Variants in CFAP97D2 observed in about 807,000 individuals in gnomAD.
The protein encoded by CFAP97D2 is uncharacterized protein CFAP97D2.
At chr13:114,209,620 C>T (rs1237763755) in intron 3 of CFAP97D2, among the ~76,000 whole-genome samples, 2 of 151,966 alleles carry the variant, frequency 1.3e-5, no homozygotes, top group South Asian at 2.1e-4. Flanking sequence ...CAGTGTGGCG[C>T]TCATTCTGTG....
chr13:114,195,235 A>G (rs980085589), intron 1 of CFAP97D2, among the ~76,000 whole-genome samples: 2 of 152,240 alleles, frequency 1.3e-5, no homozygotes, highest in African/African-American at 4.8e-5. Context: ...AGGAGCCTGT[A>G]AAAAGTGACC....
Position 114,211,906 on chromosome 13 carries a change from G to A in CFAP97D2, c.291-6G>A, listed in dbSNP as rs566523757. ...AATTTCAAAATGTGTGTGCTCTTTCGTGGAGTCTGCACAGGGGGAAGAGAG... is the reference window on the plus strand; with the variant it reads ...AATTTCAAAATGTGTGTGCTCTTTCATGGAGTCTGCACAGGGGGAAGAGAG... On this transcript the variant is annotated splice_polypyrimidine_tract_variant and splice_region_variant and intron_variant, in intron 3 of 4. Transcript: ENST00000646158. The surrounding 1 kb of genome is among the most constrained non-coding windows in gnomAD (Gnocchi z 4.2). 80 of 398,722 alleles carry A rather than the reference G, an allele frequency of 2.0e-4. No individual in the cohort carries two copies. The South Asian group carries it at 5.3e-3, about 27-fold the overall frequency. The allele number at this position is 398,722 out of a possible 1,614,324, so 24.7% of individuals were successfully genotyped here.
At chr13:114,183,103 T>C (rs988475011) in intron 1 of CFAP97D2, among the ~76,000 whole-genome samples, 4 of 152,160 alleles carry the variant, frequency 2.6e-5, no homozygotes, top group African/African-American at 9.7e-5. Flanking sequence ...TTAGGACGTA[T>C]CAGTTAAAAC....
intron 1 of CFAP97D2, among the ~76,000 whole-genome samples, chr13:114,188,539 A>G (rs757209576): frequency 6.6e-6 from 1 of 152,114 alleles, no homozygotes; most frequent in Non-Finnish European, 1.5e-5. Flanking sequence ...GCCCTTTACG[A>G]GGCCGAGGCG....
chr13:114,200,242 G>A (rs1330732788), intron 2 of CFAP97D2, 83 bp from the exon 3 acceptor site: 10 of 397,218 alleles, frequency 2.5e-5, no homozygotes, highest in Non-Finnish European at 4.0e-5. Context: ...AAAACTCCCA[G>A]GGCACTCAAG....
intron 1 of CFAP97D2, among the ~76,000 whole-genome samples, chr13:114,182,961 C>T (rs2080842081): frequency 6.6e-6 from 1 of 152,174 alleles, no homozygotes; most frequent in African/African-American, 2.4e-5. Context: ...TCAACTCCAG[C>T]CTTGCACTCA....
chr13:114,193,439 G>A (rs1461520113), intron 1 of CFAP97D2, among the ~76,000 whole-genome samples: 1 of 152,118 alleles, frequency 6.6e-6, no homozygotes, highest in East Asian at 1.9e-4. Context: ...CCAAAATCAA[G>A]GCACTGGCAG....
rs960590327 is a variant in CFAP97D2, at chr13:114,207,090, A to G, written c.291-4822A>G. 6.6e-6 allele frequency among the ~76,000 whole-genome samples: 1 copy of G among 152,216 alleles called. No homozygotes were observed. The highest frequency in any genetic ancestry group is 1.5e-5 in the Non-Finnish European group (1 of 68,038). ...ACAGGCTGCCAAGCATCACCACCGC[A>G]TGGCAGCAGTGTCCCCGCATCCACC... is the stretch of plus-strand genomic sequence containing the variant. On this transcript the variant is annotated intron_variant, in intron 3 of 4. Coordinates refer to ENST00000646158, the Ensembl canonical transcript of CFAP97D2. The surrounding 1 kb of genome is among the most constrained non-coding windows in gnomAD (Gnocchi z 4.9).
Position 114,185,137 on chromosome 13 carries a change from G to A in CFAP97D2, c.90+5717G>A, listed in dbSNP as rs1354998884. Reference sequence around the variant, plus strand: ...GCTGCCCCAACCCTTGTGTGGCCAGGCAGGACCTGCTCCCAGGCCCAGGGC... The same window carrying A: ...GCTGCCCCAACCCTTGTGTGGCCAGACAGGACCTGCTCCCAGGCCCAGGGC... On this transcript the variant is annotated intron_variant, in intron 1 of 4. Transcript: ENST00000646158. The surrounding 1 kb of genome is among the most constrained non-coding windows in gnomAD (Gnocchi z 5.2). 6.6e-6 allele frequency among the ~76,000 whole-genome samples: 1 copy of A among 152,184 alleles called. No individual in the cohort carries two copies. Among genetic ancestry groups the A allele is most frequent in the African/African-American group, 2.4e-5 (1 of 41,444 alleles).
At chr13:114,204,665 A>G (rs1413067505) in intron 3 of CFAP97D2, among the ~76,000 whole-genome samples, 1 of 152,206 alleles carries the variant, frequency 6.6e-6, no homozygotes, top group Non-Finnish European at 1.5e-5. Flanking sequence ...CTCACACCAT[A>G]TAGAAGAATT....
Position 114,211,957 on chromosome 13 carries a change from G to A in CFAP97D2, c.336G>A (p.Lys112=), listed in dbSNP as rs1364388691. 5.0e-6 allele frequency: 2 copies of A among 398,642 alleles called. No individual in the cohort carries two copies. The highest frequency in any genetic ancestry group is 3.6e-5 in the East Asian group (1 of 28,082). The allele number at this position is 398,642 out of a possible 1,614,324, so 24.7% of individuals were successfully genotyped here. A position where few individuals can be genotyped will look rare whatever the true frequency, so the allele number is the denominator to read the frequency against. ...AACAGGAACTTCGCAGAGTGCGGAA[G>A]AAAACACGGCCATTCTGGAAGGAAT... The change falls in exon 4 of 5, where the codon AAG becomes AAA. Residue 112 remains lysine, a synonymous_variant. Coordinates refer to ENST00000646158, the Ensembl canonical transcript of CFAP97D2. The surrounding 1 kb of genome is among the most constrained non-coding windows in gnomAD (Gnocchi z 4.2).
rs561628125 is a variant in CFAP97D2, at chr13:114,200,346, G to A, written c.193G>A (p.Val65Ile). 9 of 398,652 alleles carry A rather than the reference G, an allele frequency of 2.3e-5. No individual in the cohort carries two copies. In the South Asian group the frequency reaches 3.8e-4, roughly 17 times the overall value. 24.7% of individuals were successfully genotyped at this position (398,652 alleles called of 1,614,324 possible). Reference sequence around the variant, plus strand: ...CCAGCTGGAGGAGGAACGGCTCTCCGTCATCGAGAGGGACAACCGCCTGCT... The same window carrying A: ...CCAGCTGGAGGAGGAACGGCTCTCCATCATCGAGAGGGACAACCGCCTGCT... Residue 65 changes from valine (V) to isoleucine (I), a missense_variant, in exon 3 of 5, where the codon GTC becomes ATC. Transcript: ENST00000646158.
rs1304107623 is a variant in CFAP97D2 at position 114,207,147 on chromosome 13, C to T, written c.291-4765C>T. ...GGGCAAGGCACAAGCTCAGCCTGAG[C>T]CCCATCTGCTCCCCTGCCGCTGCAA... On this transcript the variant is annotated intron_variant, in intron 3 of 4. Transcript: ENST00000646158. This position sits in a 1 kb window ranked among gnomAD's most constrained non-coding sequence, Gnocchi z 4.9. Among the ~76,000 whole-genome samples the T allele has an allele frequency of 3.3e-5, 5 of 152,220 alleles. No individual in the cohort carries two copies. The highest frequency in any genetic ancestry group is 7.3e-5 in the Non-Finnish European group (5 of 68,040).
At chr13:114,205,412 T>C (rs2080935255) in intron 3 of CFAP97D2, among the ~76,000 whole-genome samples, 1 of 152,282 alleles carries the variant, frequency 6.6e-6, no homozygotes, top group African/African-American at 2.4e-5. Flanking sequence ...TCTTATATTC[T>C]GCAACCTTGT....
Position 114,179,714 on chromosome 13 carries a change from A to G in CFAP97D2, c.90+294A>G, listed in dbSNP as rs908976164. ...ACAGCATATATTTAAGAAGTACTTA[A>G]TTTTTCCTAAGTGACTTGAAAGCAT... On this transcript the variant is annotated intron_variant, in intron 1 of 4. Coordinates refer to ENST00000646158, the Ensembl canonical transcript of CFAP97D2. The surrounding 1 kb of genome is among the most constrained non-coding windows in gnomAD (Gnocchi z 4.8). Among the ~76,000 whole-genome samples the G allele has an allele frequency of 6.6e-6, 1 of 151,992 alleles. No individual in the cohort carries two copies. Among genetic ancestry groups the G allele is most frequent in the African/African-American group, 2.4e-5 (1 of 41,368 alleles).
rs904058880 is a variant in CFAP97D2, at chr13:114,222,406, A to G, written c.481-92A>G. 1 of 398,164 alleles carries G rather than the reference A, an allele frequency of 2.5e-6. No homozygotes were observed. The highest frequency in any genetic ancestry group is 4.4e-6 in the Non-Finnish European group (1 of 225,970). 24.7% of individuals were successfully genotyped at this position (398,164 alleles called of 1,614,324 possible). On this transcript the variant is annotated intron_variant, in intron 4 of 4. Coordinates refer to ENST00000646158, the Ensembl canonical transcript of CFAP97D2. This position sits in a 1 kb window ranked among gnomAD's most constrained non-coding sequence, Gnocchi z 4.4. ...TTTAATTCTAAGTAAAGACTTGTCA[A>G]TGAGTTGAAATATTCCATTTCCCAA...
At chr13:114,205,642 C>A (rs2080936500) in intron 3 of CFAP97D2, among the ~76,000 whole-genome samples, 1 of 152,196 alleles carries the variant, frequency 6.6e-6, no homozygotes, top group East Asian at 1.9e-4. Flanking sequence ...GGAGTGGAGA[C>A]AATGGCAATC....
At chr13:114,183,175 T>TTTA (rs1416027422) in intron 1 of CFAP97D2, among the ~76,000 whole-genome samples, 2 of 152,132 alleles carry the variant, frequency 1.3e-5, no homozygotes, top group East Asian at 3.8e-4. Flanking sequence ...TATTTATTTA[T>TTTA]TTATTTATTT....
At chr13:114,202,444 T>C (rs2080922452) in intron 3 of CFAP97D2, among the ~76,000 whole-genome samples, 1 of 152,200 alleles carries the variant, frequency 6.6e-6, no homozygotes, top group Admixed American at 6.5e-5. Flanking sequence ...GTCTCTGCTG[T>C]ATGGTCCTAA....
Sources: allele counts gnomAD v4.1 joint callset (sites outside exome capture counted in the v4.1 genomes callset), GRCh38; gene constraint gnomAD v4.1.1; non-coding constraint Gnocchi (gnomAD v3.1); transcripts MANE v1.5; gene names NCBI Gene and HGNC (gene_info 2026-07-23, HGNC 2026-07-21).